Variants in ERC1 observed in about 807,000 individuals in gnomAD.
ERC1 encodes ELKS/RAB6-interacting/CAST family member 1, also known as RAB6 interacting protein 2.
ERC1 carries 56 observed loss-of-function variants against 132.0 expected under a neutral mutation model. The ratio of observed to expected loss-of-function variants is 0.42; its 90% confidence interval spans 0.34 to 0.53. The LOEUF (loss-of-function observed/expected upper bound fraction) is 0.53, where lower values mean the gene tolerates loss of function less well. Among genes scored for constraint, ERC1 ranks in the 20% least tolerant of loss-of-function variants. The pLI is 0.03. For missense variants in ERC1, 1,202 were observed against 1,349.9 expected (o/e 0.89, Z 1.72); for synonymous variants, 478 against 476.1 (o/e 1.00, Z -0.05).
intron 14 of ERC1, among the ~76,000 whole-genome samples, chr12:1,288,610 G>T (rs2079197548): frequency 6.6e-6 from 1 of 152,156 alleles, no homozygotes; most frequent in African/African-American, 2.4e-5. Context: ...ATTTCCAAGG[G>T]TCAGTGAAAC....
chr12:1,044,341 A>G, intron 2 of ERC1, among the ~76,000 whole-genome samples: 1 of 152,210 alleles, frequency 6.6e-6, no homozygotes, highest in East Asian at 1.9e-4. Context: ...TTTGATCATA[A>G]TGCCCAAATT....
At chr12:1,277,999 G>A (rs2078398187) in intron 14 of ERC1, among the ~76,000 whole-genome samples, 1 of 152,192 alleles carries the variant, frequency 6.6e-6, no homozygotes, top group Non-Finnish European at 1.5e-5. Flanking sequence ...CTGTCAAGGA[G>A]TTTGAATCCC....
chr12:1,179,394 G>A (rs1954104213), intron 8 of ERC1, among the ~76,000 whole-genome samples: 1 of 151,542 alleles, frequency 6.6e-6, no homozygotes, highest in Non-Finnish European at 1.5e-5. Flanking sequence ...TAAAATCTGT[G>A]CTCCTTAGGT....
At chr12:1,126,273 A>G (rs148796627) in intron 7 of ERC1, among the ~76,000 whole-genome samples, 37 of 152,340 alleles carry the variant, frequency 2.4e-4, no homozygotes, top group African/African-American at 8.9e-4. Context: ...AAACGAAACC[A>G]AACAGTGCAC....
At chr12:1,247,858 T>C (rs2076249495) in intron 13 of ERC1, among the ~76,000 whole-genome samples, 1 of 151,966 alleles carries the variant, frequency 6.6e-6, no homozygotes, top group African/African-American at 2.4e-5. Flanking sequence ...TAGCCGGGTG[T>C]GGTGGCACAT....
At chr12:1,344,471 G>GTGAAACCC (rs1464362714) in intron 15 of ERC1, among the ~76,000 whole-genome samples, 2 of 152,200 alleles carry the variant, frequency 1.3e-5, no homozygotes, top group Non-Finnish European at 2.9e-5. Flanking sequence ...GGCTTGTGCT[G>GTGAAACCC]TGAAACCCTG....
chr12:1,468,995 A>G (rs1242249680), intron 18 of ERC1, among the ~76,000 whole-genome samples: 4 of 152,254 alleles, frequency 2.6e-5, no homozygotes, highest in Admixed American at 2.0e-4. Flanking sequence ...ACTCCTCTGC[A>G]GGATGCCACA....
chr12:1,313,271 T>G (rs1594935037), intron 15 of ERC1, among the ~76,000 whole-genome samples: 1 of 152,222 alleles, frequency 6.6e-6, no homozygotes, highest in Admixed American at 6.5e-5. Flanking sequence ...ACCCACCCAC[T>G]AGATTTCTTC....
At chr12:1,204,455 A>T in intron 12 of ERC1, 3 of 1,523,506 alleles carry the variant, frequency 2.0e-6, no homozygotes, top group Non-Finnish European at 2.7e-6. Flanking sequence ...AATTCTTTCT[A>T]ACTTTCTTTT....
At chr12:1,388,529 G>T (rs10848470) in intron 16 of ERC1, among the ~76,000 whole-genome samples, 44,778 of 151,840 alleles carry the variant, frequency 0.29, 6,808 homozygotes, top group Middle Eastern at 0.35. Context: ...TCCAGAGCCA[G>T]GAGGAGACAG....
In ERC1 at chr12:1,263,004, C is replaced by T. The variant is rs375887834; in HGVS notation, c.2488-30C>T. 1.2e-5 allele frequency: 19 copies of T among 1,609,964 alleles called. No homozygotes were observed. In the African/African-American group the frequency reaches 1.6e-4, roughly 14 times the overall value. ...CTCTCCCTGGGTTAAGTAATTAATC[C>T]ACTTCACCTAGTCTTCCATCATTTT... On this transcript the variant is annotated intron_variant, in intron 13 of 18. Coordinates refer to ENST00000360905, the MANE Select transcript of ERC1 (RefSeq NM_178040.4).
chr12:1,203,192 G>A (rs1487065869), intron 12 of ERC1, among the ~76,000 whole-genome samples: 2 of 152,164 alleles, frequency 1.3e-5, no homozygotes, highest in African/African-American at 4.8e-5. Flanking sequence ...TGAGTACCTG[G>A]GACTACAGGC....
At chr12:1,030,955 A>G (rs1487046080) in intron 2 of ERC1, among the ~76,000 whole-genome samples, 1 of 152,186 alleles carries the variant, frequency 6.6e-6, no homozygotes, top group Non-Finnish European at 1.5e-5. Context: ...TGATCTTTGC[A>G]CAGTGATGAA....
intron 18 of ERC1, among the ~76,000 whole-genome samples, chr12:1,450,382 G>A (rs117024820): frequency 0.025 from 3,831 of 152,216 alleles, 73 homozygotes; most frequent in Non-Finnish European, 0.038. Flanking sequence ...TAAGGGTTTC[G>A]TATAAATGGA....
chr12:1,435,167 T>C (rs550983051), intron 17 of ERC1, among the ~76,000 whole-genome samples: 11 of 152,350 alleles, frequency 7.2e-5, no homozygotes, highest in African/African-American at 2.6e-4. Context: ...GCCTTTTAAA[T>C]ATGATTTCCT....
chr12:1,403,990 A>G (rs989447546), intron 16 of ERC1, among the ~76,000 whole-genome samples: 4 of 152,212 alleles, frequency 2.6e-5, no homozygotes, highest in African/African-American at 9.7e-5. Context: ...TTTGCAGAAG[A>G]CTTTGTCATG....
chr12:1,168,893 T>C (rs1167631659), intron 8 of ERC1, among the ~76,000 whole-genome samples: 1 of 152,122 alleles, frequency 6.6e-6, no homozygotes, highest in Non-Finnish European at 1.5e-5. Flanking sequence ...GCTATGGGCT[T>C]TCTCCAGGTA....
rs1566775090 is a variant in ERC1 at position 1,400,920 on chromosome 12, T to TA, written c.2926-7229_2926-7228insA. Among the ~76,000 whole-genome samples the TA allele has an allele frequency of 9.6e-3, 462 of 47,878 alleles. 8 individuals carry two copies. The highest frequency in any genetic ancestry group is 0.02 in the African/African-American group (134 of 6,686). The allele number at this position is 47,878 out of a possible 152,430, so 31.4% of individuals were successfully genotyped here. ...TATTGTTTTGGCTATTTTTGTATTTTTTTTTTTTTTTTTTTTTTTTTTTTT... is the reference window on the plus strand; with the variant it reads ...TATTGTTTTGGCTATTTTTGTATTTTATTTTTTTTTTTTTTTTTTTTTTTTT... On this transcript the variant is annotated intron_variant, in intron 16 of 18. Transcript: ENST00000360905.
chr12:1,249,055 T>G (rs2076322933), intron 13 of ERC1, among the ~76,000 whole-genome samples: 1 of 152,064 alleles, frequency 6.6e-6, no homozygotes, highest in Non-Finnish European at 1.5e-5. Context: ...GCTAATTTTT[T>G]TTTTCTTCTT....
Sources: allele counts gnomAD v4.1 joint callset (sites outside exome capture counted in the v4.1 genomes callset), GRCh38; gene constraint gnomAD v4.1.1; transcripts MANE v1.5; gene names NCBI Gene and HGNC (gene_info 2026-07-23, HGNC 2026-07-21).